The following NXPE2 variants were observed in gnomAD, a reference collection of about 807,000 sequenced individuals.
NXPE2 encodes NXPE family member 2.
Under a neutral mutation model 34.4 loss-of-function variants are expected in NXPE2, and 34 were observed. The ratio of observed to expected loss-of-function variants is 0.99; its 90% CI spans 0.75 to 1.31. NXPE2 has a LOEUF of 1.31. Among genes scored for constraint, NXPE2 ranks in the 40% most tolerant of loss-of-function variants. The probability of loss-of-function intolerance (pLI) is 0.00; values close to 1 mark genes in which losing one functional copy is unlikely to be tolerated. For synonymous variants in NXPE2, 235 were observed against 231.3 expected (o/e 1.02, Z -0.15); for missense variants, 649 against 672.5 (o/e 0.97, Z 0.39).
chr11:114,681,601 A>G (rs1336754239), intron 2 of NXPE2, among the ~76,000 whole-genome samples: 3 of 152,060 alleles, frequency 2.0e-5, no homozygotes, highest in Non-Finnish European at 4.4e-5. Flanking sequence ...TTGATTTAAC[A>G]CCAGACACAT....
chr11:114,646,045 A>G, the NXPE2 span, among the ~76,000 whole-genome samples: 1 of 152,152 alleles, frequency 6.6e-6, no homozygotes, highest in Non-Finnish European at 1.5e-5. Context: ...GGTTAAATGC[A>G]GATATGATAT....
the NXPE2 span, among the ~76,000 whole-genome samples, chr11:114,806,492 A>G: frequency 6.6e-6 from 1 of 152,220 alleles, no homozygotes; most frequent in South Asian, 2.1e-4. Context: ...AATGCAGAGA[A>G]GTCCTTAAAG....
At chr11:114,764,544 CTA>C in the NXPE2 span, among the ~76,000 whole-genome samples, 1 of 151,988 alleles carries the variant, frequency 6.6e-6, no homozygotes, top group Non-Finnish European at 1.5e-5. Flanking sequence ...GGTGAGGAGT[CTA>C]TAGGTGGTCA....
chr11:114,634,013 T>A, the NXPE2 span, among the ~76,000 whole-genome samples: 1 of 151,912 alleles, frequency 6.6e-6, no homozygotes, highest in Non-Finnish European at 1.5e-5. Context: ...GTATTTCTAG[T>A]TCTAGATCCC....
chr11:114,654,789 A>T, the NXPE2 span, among the ~76,000 whole-genome samples: 1 of 152,178 alleles, frequency 6.6e-6, no homozygotes, highest in Non-Finnish European at 1.5e-5. Context: ...ATATGTGTGC[A>T]TGTGTCTTTA....
chr11:114,583,183 A>C, the NXPE2 span: 5 of 840,294 alleles, frequency 6.0e-6, no homozygotes, highest in African/African-American at 8.6e-5. Flanking sequence ...TATTATTTAA[A>C]TTCTCCAATA....
chr11:114,527,859 A>C, the NXPE2 span: 1 of 1,607,766 alleles, frequency 6.2e-7, no homozygotes, highest in Non-Finnish European at 8.5e-7. Flanking sequence ...TAGTGACATC[A>C]ATGTGTTTAC....
the NXPE2 span, among the ~76,000 whole-genome samples, chr11:114,481,741 T>G: frequency 6.6e-6 from 1 of 152,188 alleles, no homozygotes; most frequent in Non-Finnish European, 1.5e-5. Flanking sequence ...TGATGGCATT[T>G]AATTCTGTCT....
the NXPE2 span, among the ~76,000 whole-genome samples, chr11:114,774,485 G>A: frequency 1.3e-5 from 2 of 152,310 alleles, no homozygotes; most frequent in Admixed American, 6.5e-5. Flanking sequence ...TGCATACAGC[G>A]TATTTGGTTA....
chr11:114,547,851 T>C, the NXPE2 span, among the ~76,000 whole-genome samples: 4 of 152,176 alleles, frequency 2.6e-5, no homozygotes, highest in Admixed American at 2.6e-4. Flanking sequence ...ATTGTAAGTA[T>C]CAGTATGGTT....
At chr11:114,661,687 C>T in the NXPE2 span, among the ~76,000 whole-genome samples, 6 of 152,260 alleles carry the variant, frequency 3.9e-5, no homozygotes, top group East Asian at 9.6e-4. Context: ...TCCCAAGAAA[C>T]GCAAGCAAGA....
At chr11:114,582,370 G>T in the NXPE2 span, 1 of 1,614,018 alleles carries the variant, frequency 6.2e-7, no homozygotes, top group Non-Finnish European at 8.5e-7. Flanking sequence ...GCAGCACAGG[G>T]CATGTGTTGA....
chr11:114,700,844 AAG>A (rs1951352874), intron 3 of NXPE2, among the ~76,000 whole-genome samples: 3 of 152,134 alleles, frequency 2.0e-5, no homozygotes, highest in Admixed American at 1.3e-4. Context: ...GGATCATTTA[AAG>A]AGACTTTGGT....
At chr11:114,493,486 A>T in the NXPE2 span, among the ~76,000 whole-genome samples, 4 of 151,932 alleles carry the variant, frequency 2.6e-5, no homozygotes, top group African/African-American at 9.7e-5. Context: ...TAACTGTTGT[A>T]TGTTTTTTGA....
chr11:114,680,158 C>A (rs1950924528), intron 2 of NXPE2, among the ~76,000 whole-genome samples: 1 of 152,096 alleles, frequency 6.6e-6, no homozygotes, highest in Admixed American at 6.6e-5. Context: ...TGTCTCCTGG[C>A]TCTTCCCTTT....
chr11:114,568,007 T>C, the NXPE2 span, among the ~76,000 whole-genome samples: 1 of 152,150 alleles, frequency 6.6e-6, no homozygotes, highest in South Asian at 2.1e-4. Flanking sequence ...GAAATAAACA[T>C]ATGAAACATC....
intron 2 of NXPE2, among the ~76,000 whole-genome samples, 185 bp downstream of exon 2, chr11:114,679,947 T>C (rs1158437948): frequency 6.6e-6 from 1 of 152,168 alleles, no homozygotes; most frequent in Non-Finnish European, 1.5e-5. Flanking sequence ...CTATTTTAAA[T>C]GGCAATGTAT....
chr11:114,627,803 C>T, the NXPE2 span, among the ~76,000 whole-genome samples: 1 of 151,418 alleles, frequency 6.6e-6, no homozygotes, highest in Non-Finnish European at 1.5e-5. Context: ...CACATGGGCT[C>T]AAAATAAAAG....
chr11:114,518,878 T>C, the NXPE2 span, among the ~76,000 whole-genome samples: 1 of 150,190 alleles, frequency 6.7e-6, no homozygotes, highest in Non-Finnish European at 1.5e-5. Context: ...TTTGAACATT[T>C]ACATATTCAT....
Sources: gnomAD v4.1 joint callset for allele counts (sites outside exome capture counted in the v4.1 genomes callset) on GRCh38, gnomAD v4.1.1 for gene constraint, MANE v1.5 for transcripts, NCBI Gene and HGNC (gene_info 2026-07-23, HGNC 2026-07-21) for gene names.